The following IGSF21 variants were observed in gnomAD, a reference collection of about 807,000 sequenced individuals.
IGSF21 encodes immunoglobulin superfamily member 21.
A neutral mutation model predicts 46.8 loss-of-function variants in IGSF21; 28 were observed. That is an observed-to-expected ratio of 0.60 (90% CI 0.44 to 0.82). The LOEUF (loss-of-function observed/expected upper bound fraction) is 0.82, where lower values mean the gene tolerates loss of function less well. IGSF21 is among the 40% of genes least tolerant of loss of function. IGSF21 has a pLI of 0.00. For missense variants in IGSF21, 624 were observed against 665.5 expected (o/e 0.94, Z 0.69); for synonymous variants, 284 against 273.6 (o/e 1.04, Z -0.38).
intron 3 of IGSF21, among the ~76,000 whole-genome samples, chr1:18,302,548 C>A (rs541954237): frequency 3.3e-5 from 5 of 152,158 alleles, no homozygotes; most frequent in Admixed American, 2.0e-4. Flanking sequence ...TTCTTTCTCT[C>A]CCCCCTTTCC....
intron 1 of IGSF21, among the ~76,000 whole-genome samples, chr1:18,225,715 T>G (rs2084559837): frequency 6.6e-6 from 1 of 152,094 alleles, no homozygotes; most frequent in Admixed American, 6.5e-5. Context: ...ATTGTGGCCA[T>G]GGGGTCAGGT....
intron 7 of IGSF21, 66 bp downstream of exon 7, chr1:18,376,461 C>A (rs2086281448): frequency 8.9e-7 from 1 of 1,120,782 alleles, no homozygotes; most frequent in Non-Finnish European, 1.4e-6. Flanking sequence ...CCAGCACCAG[C>A]ATTCCTGGCA....
chr1:18,376,201 A>T, intron 6 of IGSF21, 109 bp from the exon 7 acceptor site: 1 of 791,640 alleles, frequency 1.3e-6, no homozygotes, highest in Non-Finnish European at 2.3e-6. Flanking sequence ...AGCTTCTCAC[A>T]GAAGCAGCTG....
At chr1:18,281,947 A>T (rs955838084) in intron 2 of IGSF21, among the ~76,000 whole-genome samples, 3 of 151,992 alleles carry the variant, frequency 2.0e-5, no homozygotes, top group African/African-American at 7.3e-5. Flanking sequence ...TGTGCTTCGG[A>T]GCAAAGAGCC....
chr1:18,190,559 C>T (rs1407428408), intron 1 of IGSF21, among the ~76,000 whole-genome samples: 5 of 152,182 alleles, frequency 3.3e-5, no homozygotes, highest in African/African-American at 4.8e-5. Flanking sequence ...TCATCTGCAA[C>T]GTGGGGCCGA....
chr1:18,169,460 G>C (rs931591828), intron 1 of IGSF21, among the ~76,000 whole-genome samples: 1 of 152,214 alleles, frequency 6.6e-6, no homozygotes, highest in African/African-American at 2.4e-5. Context: ...GGGGTCCTCT[G>C]CTCTTTCCAA....
At chr1:18,135,689 C>A (rs2086362250) in intron 1 of IGSF21, among the ~76,000 whole-genome samples, 1 of 152,088 alleles carries the variant, frequency 6.6e-6, no homozygotes, top group Non-Finnish European at 1.5e-5. Flanking sequence ...GGTTCCAAGT[C>A]TTTGCTATTG....
In IGSF21 at chr1:18,335,383, G is replaced by A. The variant is rs1346713996; in HGVS notation, c.424+373G>A. On this transcript the variant is annotated intron_variant, in intron 4 of 9. Coordinates refer to ENST00000251296, the MANE Select transcript of IGSF21 (RefSeq NM_032880.5). This position sits in a 1 kb window ranked among gnomAD's most constrained non-coding sequence, Gnocchi z 4.8. ...ACCTCCTGAGGCCTTAATGGAGAGG[G>A]CATAGGATCTGGAGATGAATTAGAA... Among the ~76,000 whole-genome samples the A allele has an allele frequency of 1.3e-5, 2 of 152,218 alleles. No homozygotes were observed. Among genetic ancestry groups the A allele is most frequent in the East Asian group, 1.9e-4 (1 of 5,202 alleles).
At chr1:18,289,207 T>C (rs2085244301) in intron 2 of IGSF21, among the ~76,000 whole-genome samples, 1 of 152,162 alleles carries the variant, frequency 6.6e-6, no homozygotes, top group Non-Finnish European at 1.5e-5. Flanking sequence ...GGCTGCCGCA[T>C]TTTAGGAGGA....
chr1:18,247,262 G>T (rs868694684), intron 2 of IGSF21, among the ~76,000 whole-genome samples: 2 of 152,206 alleles, frequency 1.3e-5, no homozygotes, highest in Non-Finnish European at 1.5e-5. Context: ...ATGGGGGCCA[G>T]CTCTGTCAGG....
At chr1:18,217,461 T>A (rs12068743) in intron 1 of IGSF21, among the ~76,000 whole-genome samples, 8,389 of 152,252 alleles carry the variant, frequency 0.055, 738 homozygotes, top group African/African-American at 0.19. Flanking sequence ...GCGGAACAAA[T>A]TGGCCAGCCC....
At chr1:18,326,047 C>A (rs564685662) in intron 3 of IGSF21, among the ~76,000 whole-genome samples, 16 of 152,326 alleles carry the variant, frequency 1.1e-4, no homozygotes, top group Non-Finnish European at 1.6e-4. Flanking sequence ...CATGCCCCCC[C>A]CTTTTTTTTC....
chr1:18,279,361 C>T (rs958762324), intron 2 of IGSF21, among the ~76,000 whole-genome samples: 2 of 152,226 alleles, frequency 1.3e-5, no homozygotes, highest in African/African-American at 4.8e-5. Context: ...GGCAATATCT[C>T]TGGCACATAG....
At position 18,139,060 on chromosome 1, in the gene IGSF21, G is replaced by A. The variant is rs142296881; in HGVS notation, c.70+30862G>A. ...ACTGAATTCAATGCTGCTGGTGCAG[G>A]AGCGCTCTTCCCTCTTGGGTGCAGA... On this transcript the variant is annotated intron_variant, in intron 1 of 9. Coordinates refer to ENST00000251296, the MANE Select transcript of IGSF21 (RefSeq NM_032880.5). Among the ~76,000 whole-genome samples, 232 of 152,212 alleles carry A rather than the reference G, an allele frequency of 1.5e-3. 1 individual carries two copies. The highest frequency in any genetic ancestry group is 5.4e-3 in the African/African-American group (224 of 41,514).
intron 1 of IGSF21, among the ~76,000 whole-genome samples, chr1:18,165,681 C>T (rs1164750456): frequency 1.3e-5 from 2 of 152,214 alleles, no homozygotes; most frequent in African/African-American, 4.8e-5. Flanking sequence ...CCTGTGCTAA[C>T]ATCCTTAAAT....
rs530936026 is a variant in IGSF21, at chr1:18,220,177, C to T, written c.71-7721C>T. ...TGCCTTACAGTCTCTCCCTTACCAC[C>T]GTGCTGTCTGCTGACGCATGGTTAA... On this transcript the variant is annotated intron_variant, in intron 1 of 9. Transcript: ENST00000251296. Among the ~76,000 whole-genome samples the T allele has an allele frequency of 1.7e-4, 26 of 152,272 alleles. No individual in the cohort carries two copies. The South Asian group carries it at 3.9e-3, about 23-fold the overall frequency.
chr1:18,170,919 C>T (rs947971766), intron 1 of IGSF21, among the ~76,000 whole-genome samples: 10 of 152,084 alleles, frequency 6.6e-5, no homozygotes, highest in Non-Finnish European at 1.3e-4. Context: ...AGCAGGTGGA[C>T]TTAAGAGGGT....
chr1:18,309,671 C>G (rs2085462947), intron 3 of IGSF21, among the ~76,000 whole-genome samples: 1 of 152,204 alleles, frequency 6.6e-6, no homozygotes, highest in Admixed American at 6.5e-5. Context: ...TCCACCGCCT[C>G]TAGCCGCTGC....
chr1:18,368,476 A>T (rs950853348), intron 6 of IGSF21, among the ~76,000 whole-genome samples: 2 of 148,740 alleles, frequency 1.3e-5, no homozygotes, highest in African/African-American at 4.9e-5. Context: ...GCACCACTGC[A>T]CTCCAGCCTA....
Sources: gnomAD v4.1 joint callset for allele counts (sites outside exome capture counted in the v4.1 genomes callset) on GRCh38, gnomAD v4.1.1 for gene constraint, Gnocchi (gnomAD v3.1) non-coding constraint, MANE v1.5 for transcripts, NCBI Gene and HGNC (gene_info 2026-07-23, HGNC 2026-07-21) for gene names.